The following TMPRSS6 variants were observed in gnomAD, a reference collection of about 807,000 sequenced individuals.
TMPRSS6 encodes the protein transmembrane serine protease 6, also known as transmembrane protease serine 6.
TMPRSS6 carries 67 observed loss-of-function variants against 101.5 expected under a neutral mutation model. The observed-to-expected ratio is 0.66, with a 90% CI of 0.54 to 0.81. The LOEUF is 0.81. Ranked by LOEUF, TMPRSS6 falls within the 30% of genes least tolerant of loss-of-function variation. TMPRSS6 has a pLI of 0.00. For synonymous variants in TMPRSS6, 453 were observed against 464.9 expected, an observed-to-expected ratio of 0.97 and a Z score of 0.33; for missense variants, 1,034 against 1,088.7, an observed-to-expected ratio of 0.95 and a Z score of 0.71.
chr22:37,075,740 T>C (rs1927574948), intron 10 of TMPRSS6, among the ~76,000 whole-genome samples: 2 of 152,086 alleles, frequency 1.3e-5, no homozygotes, highest in Non-Finnish European at 2.9e-5. Flanking sequence ...CCGTTGCTAC[T>C]AAAAATACAA....
At chr22:37,081,782 G>A (rs149324550) in intron 10 of TMPRSS6, among the ~76,000 whole-genome samples, 2 of 152,334 alleles carry the variant, frequency 1.3e-5, no homozygotes, top group African/African-American at 4.8e-5. Context: ...CAAGTCCTTA[G>A]CCCTCGCTGG....
Position 37,075,015 on chromosome 22 carries a change from ACT to A in TMPRSS6, c.1342+118_1342+119del, listed in dbSNP as rs1041166459. The A allele has an allele frequency of 3.1e-4, 402 of 1,294,390 alleles. 2 individuals carry two copies. Among genetic ancestry groups the A allele is most frequent in the South Asian group, 1.4e-3 (114 of 81,130 alleles). 80.2% of individuals were successfully genotyped at this position (1,294,390 alleles called of 1,614,324 possible). On this transcript the variant is annotated intron_variant, in intron 11 of 17. Coordinates refer to ENST00000676104, the MANE Select transcript of TMPRSS6 (RefSeq NM_001374504.1). ...TGCAAGCACATACACACACACACAC[ACT>A]CTCTCTCTCCTTTTGTTCAGCCTCA...
intron 10 of TMPRSS6, among the ~76,000 whole-genome samples, chr22:37,076,770 A>G (rs994156231): frequency 7.9e-5 from 12 of 151,468 alleles, no homozygotes; most frequent in Non-Finnish European, 1.6e-4. Context: ...TGCCCTCCAC[A>G]GAGCAAATCA....
At chr22:37,076,594 C>A (rs985392583) in intron 10 of TMPRSS6, among the ~76,000 whole-genome samples, 1 of 152,188 alleles carries the variant, frequency 6.6e-6, no homozygotes, top group African/African-American at 2.4e-5. Flanking sequence ...GTCCGGTGCA[C>A]CTCACCCCAC....
At position 37,073,577 on chromosome 22, in the gene TMPRSS6, G is replaced by T. The variant is rs1927342882; in HGVS notation, c.1510C>A (p.Gln504Lys). The change falls in exon 13 of 18, where the codon CAG (glutamine) becomes AAG (lysine). Residue 504 changes from glutamine to lysine, a missense_variant. By Grantham distance (53) the Gln-to-Lys change is moderately conservative (BLOSUM62 1). Transcript: ENST00000676104. Reference sequence around the variant, plus strand: ...TCGCTGCCGTTGAGACAATCAGGCTGCCCATCACAGACCTTGGGCAGTGAG... The same window carrying T: ...TCGCTGCCGTTGAGACAATCAGGCTTCCCATCACAGACCTTGGGCAGTGAG... Reference protein sequence around the residue: ...CISLPKVCDGQPDCLNGSDEE... With the variant: ...CISLPKVCDGKPDCLNGSDEE... The T allele has an allele frequency of 1.2e-6, 2 of 1,614,066 alleles. No individual in the cohort carries two copies. Among genetic ancestry groups the T allele is most frequent in the Non-Finnish European group, 1.7e-6 (2 of 1,179,954 alleles).
chr22:37,078,028 C>T (rs905428827), intron 10 of TMPRSS6, among the ~76,000 whole-genome samples: 2 of 152,182 alleles, frequency 1.3e-5, no homozygotes, highest in Non-Finnish European at 1.5e-5. Context: ...ACCCAGGAAA[C>T]GCAGGTTTTG....
intron 16 of TMPRSS6, among the ~76,000 whole-genome samples, chr22:37,067,589 T>C (rs1926426226): frequency 6.6e-6 from 1 of 152,198 alleles, no homozygotes; most frequent in Non-Finnish European, 1.5e-5. Context: ...CTCGCTGCTC[T>C]GTTACAGCAC....
Position 37,069,125 on chromosome 22 carries a change from G to A in TMPRSS6, c.2061C>T (p.Phe687=), listed in dbSNP as rs1262125776. The A allele has an allele frequency of 5.8e-6, 9 of 1,565,088 alleles. No individual in the cohort carries two copies. The highest frequency in any genetic ancestry group is 6.9e-6 in the Non-Finnish European group (8 of 1,157,572). ...TAATCCAGCAGTGCAGGCCGGGCTCGAAGAAGTGGGAGCGCGCGGGCAGGC... is the reference window on the plus strand; with the variant it reads ...TAATCCAGCAGTGCAGGCCGGGCTCAAAGAAGTGGGAGCGCGCGGGCAGGC... ...PVCLPARSHF[F]EPGLHCWITG... The change falls in exon 16 of 18, where the codon TTC becomes TTT. Residue 687 remains phenylalanine (F), a synonymous_variant. Transcript: ENST00000676104. This position sits in a 1 kb window ranked among gnomAD's most constrained non-coding sequence, Gnocchi z 4.8.
rs1047001801 is a variant in TMPRSS6, at chr22:37,086,363, A to G, written c.893T>C (p.Ile298Thr). 4.3e-6 allele frequency: 7 copies of G among 1,612,302 alleles called. No individual in the cohort carries two copies. The highest frequency in any genetic ancestry group is 2.7e-5 in the African/African-American group (2 of 74,818). ...GCCCTTCTTCCAGACGACCGCCATG[A>G]TGGCCCCCGACGCCAGAACCTCCAC... The part of the protein sequence containing the change: ...PVVEVLASGA[I>T]MAVVWKKGLH... Residue 298 changes from isoleucine (I) to threonine (T), a missense_variant, in exon 8 of 18, where the codon ATC (isoleucine) becomes ACC (threonine). Physicochemically the swap from Ile to Thr is moderately conservative, Grantham distance 89. Transcript: ENST00000676104.
At chr22:37,094,275 G>T (rs1034563916) in intron 6 of TMPRSS6, among the ~76,000 whole-genome samples, 7 of 152,098 alleles carry the variant, frequency 4.6e-5, no homozygotes, top group African/African-American at 1.7e-4. Context: ...CACTAGAAAA[G>T]ACAACTCCAA....
In TMPRSS6 at chr22:37,077,954, G is replaced by A. The variant is rs141237299; in HGVS notation, c.1197-2674C>T. Among the ~76,000 whole-genome samples the A allele has an allele frequency of 5.1e-3, 781 of 152,332 alleles. 8 individuals carry two copies. The highest frequency in any genetic ancestry group is 0.015 in the East Asian group (80 of 5,178). On this transcript the variant is annotated intron_variant, in intron 10 of 17. Transcript: ENST00000676104. ...ATGGTTCCCCCAGCCCAGCAGGGCC[G>A]GTGGGGGACGAGGCACCGCCAGGGG... is the stretch of plus-strand genomic sequence containing the variant.
intron 13 of TMPRSS6, among the ~76,000 whole-genome samples, chr22:37,072,997 T>TGATGGATGGATGATGGATG (rs1455823567): frequency 7.6e-6 from 1 of 131,748 alleles, no homozygotes; most frequent in Non-Finnish European, 1.6e-5. Context: ...GATAGATGGA[T>TGATGGATGGATGATGGATG]GATGGATGGA....
At chr22:37,085,101 G>C (rs753639133) in intron 8 of TMPRSS6, among the ~76,000 whole-genome samples, 1 of 152,212 alleles carries the variant, frequency 6.6e-6, no homozygotes, top group Non-Finnish European at 1.5e-5. Flanking sequence ...ATCCGTGTTA[G>C]TTATTGATAT....
intron 6 of TMPRSS6, among the ~76,000 whole-genome samples, chr22:37,091,852 G>A (rs963267741): frequency 1.6e-4 from 25 of 152,298 alleles, no homozygotes; most frequent in African/African-American, 6.0e-4. Flanking sequence ...GGGAATGGAG[G>A]TGAATACACT....
At chr22:37,110,429 C>T (rs192180416), upstream of TMPRSS6, among the ~76,000 whole-genome samples, 16 of 152,104 alleles carry the variant, frequency 1.1e-4, no homozygotes, top group East Asian at 2.5e-3. Flanking sequence ...CAGGCATGAG[C>T]GACCGCACGC....
rs764087417 is a variant in TMPRSS6, at chr22:37,094,422, GATAGAT to G, written c.631+1123_631+1128del. Among the ~76,000 whole-genome samples, 837 of 149,402 alleles carry G rather than the reference GATAGAT, an allele frequency of 5.6e-3. 5 individuals carry two copies. Among genetic ancestry groups the G allele is most frequent in the East Asian group, 0.024 (121 of 5,096 alleles). On this transcript the variant is annotated intron_variant, in intron 6 of 17. Transcript: ENST00000676104. Reference sequence around the variant, plus strand: ...AGATAGATAGATAGATAGATAGATAGATAGATATAAACAGACAGCTAGCTAGCTAGA... The same window carrying G: ...AGATAGATAGATAGATAGATAGATAGATAAACAGACAGCTAGCTAGCTAGA...
chr22:37,072,323 TG>T, intron 13 of TMPRSS6, among the ~76,000 whole-genome samples: 2 of 123,618 alleles, frequency 1.6e-5, no homozygotes, highest in Admixed American at 8.3e-5. Flanking sequence ...GGATGGATGA[TG>T]GATGAATGGA....
chr22:37,079,015 A>AAGAAAGAG (rs1387142117), intron 10 of TMPRSS6, among the ~76,000 whole-genome samples: 1 of 131,020 alleles, frequency 7.6e-6, no homozygotes, highest in African/African-American at 2.6e-5. Flanking sequence ...GAAAGAAAGA[A>AAGAAAGAG]AGAGAAAGAG....
At chr22:37,078,971 G>GAA (rs376116581) in intron 10 of TMPRSS6, among the ~76,000 whole-genome samples, 1 of 46,840 alleles carries the variant, frequency 2.1e-5, no homozygotes, top group South Asian at 7.6e-4. Flanking sequence ...AAGAAAGAAA[G>GAA]AAAAAGAAAG....
Sources: gnomAD v4.1 joint callset for allele counts (sites outside exome capture counted in the v4.1 genomes callset) on GRCh38, gnomAD v4.1.1 for gene constraint, Gnocchi (gnomAD v3.1) non-coding constraint, MANE v1.5 for transcripts, NCBI Gene and HGNC (gene_info 2026-07-23, HGNC 2026-07-21) for gene names.